Variants in OLIG1 observed in about 807,000 individuals in gnomAD.
OLIG1 encodes oligodendrocyte transcription factor 1.
A neutral mutation model predicts 13.5 loss-of-function variants in OLIG1; 9 were observed. The ratio of observed to expected loss-of-function variants is 0.67; its 90% CI spans 0.40 to 1.17. The LOEUF (loss-of-function observed/expected upper bound fraction) is 1.17. OLIG1 is among the 50% of genes most tolerant of loss of function. The pLI, the probability that OLIG1 is intolerant of heterozygous loss-of-function variation, is 0.01. For synonymous variants in OLIG1, 215 were observed against 208.3 expected, an observed-to-expected ratio of 1.03 and a Z score of -0.28; for missense variants, 362 against 392.2, an observed-to-expected ratio of 0.92 and a Z score of 0.65.
At position 33,071,427 on chromosome 21, in the gene OLIG1, G is replaced by T; in HGVS notation, c.*365G>T. On this transcript the variant is annotated 3_prime_UTR_variant, in exon 1 of 1. Coordinates refer to ENST00000382348, the MANE Select transcript of OLIG1 (RefSeq NM_138983.3). The surrounding 1 kb of genome is among the most constrained non-coding windows in gnomAD (Gnocchi z 6.0). ...TTGCCGTGGTTGGCGCGCCCCGGGT[G>T]CAGCGAGAGGCCATCCCCGAGCGCT... is the stretch of plus-strand genomic sequence containing the variant. 5.7e-6 allele frequency: 1 copy of T among 175,928 alleles called. No individual in the cohort carries two copies. The highest frequency in any genetic ancestry group is 1.3e-5 in the Non-Finnish European group (1 of 74,536). The allele number at this position is 175,928 out of a possible 1,614,324, so 10.9% of individuals were successfully genotyped here.
chr21:33,072,249 C>T lies in OLIG1; in HGVS notation c.*1187C>T, dbSNP rs997341531. On this transcript the variant is annotated 3_prime_UTR_variant, in exon 1 of 1. Transcript: ENST00000382348. ...ATTTGTTACAGACGTTAACAAATTC[C>T]TTTACCCAAGGTTATGCTATGACCT... 1 of 167,132 alleles carries T rather than the reference C, an allele frequency of 6.0e-6. No homozygotes were observed. Among genetic ancestry groups the T allele is most frequent in the Non-Finnish European group, 1.5e-5 (1 of 68,130 alleles). The allele number at this position is 167,132 out of a possible 1,614,324, so 10.4% of individuals were successfully genotyped here. A position where few individuals can be genotyped will look rare whatever the true frequency, so the allele number is the denominator to read the frequency against.
In OLIG1 at chr21:33,070,430, GC is replaced by G; in HGVS notation, c.190del (p.Leu64SerfsTer58). On this transcript the variant is annotated frameshift_variant, in exon 1 of 1. Coordinates refer to ENST00000382348, the MANE Select transcript of OLIG1 (RefSeq NM_138983.3). LOFTEE classifies it high-confidence loss of function. This position sits in a 1 kb window ranked among gnomAD's most constrained non-coding sequence, Gnocchi z 5.9. ...TSSTSSSSTT[A>X]PLLPKAAREK... is the part of the protein sequence containing the mutation. ...CTCCACTTCCTCCTCCTCCACGACG[GC>G]CCCCCTCCTCCCCAAGGCTGCGCGC... 10 of 1,529,502 alleles carry G rather than the reference GC, an allele frequency of 6.5e-6. No homozygotes were observed. Among genetic ancestry groups the G allele is most frequent in the African/African-American group, 1.4e-5 (1 of 70,016 alleles). 94.7% of individuals were successfully genotyped at this position (1,529,502 alleles called of 1,614,324 possible). A position where few individuals can be genotyped will look rare whatever the true frequency, so the allele number is the denominator to read the frequency against.
In OLIG1 at chr21:33,071,045, G is replaced by T; in HGVS notation, c.799G>T (p.Ala267Ser). ...PASLGLAAVQ[A>S]QFSK The stretch of plus-strand genomic sequence containing the variant: ...CAGCCTGGGCCTGGCCGCCGTGCAG[G>T]CGCAATTCTCCAAGTGAGGGCGGGC... The change falls in exon 1 of 1, where the codon GCG becomes TCG. Residue 267 changes from alanine (A) to serine (S), a missense_variant. This residue lies in a region of OLIG1 where 62 missense variants were observed against 49.1 expected (regional missense o/e 1.26). Transcript: ENST00000382348. This position sits in a 1 kb window ranked among gnomAD's most constrained non-coding sequence, Gnocchi z 6.0. 1 of 1,508,072 alleles carries T rather than the reference G, an allele frequency of 6.6e-7. No individual in the cohort carries two copies. The highest frequency in any genetic ancestry group is 8.8e-7 in the Non-Finnish European group (1 of 1,133,056). 93.4% of individuals were successfully genotyped at this position (1,508,072 alleles called of 1,614,324 possible).
Position 33,071,318 on chromosome 21 carries a change from A to G in OLIG1, c.*256A>G. 2.8e-6 allele frequency: 1 copy of G among 354,056 alleles called. No individual in the cohort carries two copies. Among genetic ancestry groups the G allele is most frequent in the South Asian group, 6.3e-5 (1 of 15,854 alleles). The allele number at this position is 354,056 out of a possible 1,614,324, so 21.9% of individuals were successfully genotyped here. ...GTCGGTTCCAGCGGCTTTAGGCAGA[A>G]AGTGCTCGCTCTCACCCAGCACATC... On this transcript the variant is annotated 3_prime_UTR_variant, in exon 1 of 1. Transcript: ENST00000382348. The surrounding 1 kb of genome is among the most constrained non-coding windows in gnomAD (Gnocchi z 6.0).
chr21:33,070,305 C>T lies in OLIG1; in HGVS notation c.59C>T (p.Pro20Leu). The T allele has an allele frequency of 6.5e-7, 1 of 1,546,984 alleles. No individual in the cohort carries two copies. ...VNAVPGTMLR[P>L]QRPGDLQLGA... is the part of the protein sequence containing the mutation. ...GCGGTCCCCGGGACCATGCTGCGGC[C>T]ACAGCGGCCCGGAGACTTGCAGCTC... The change falls in exon 1 of 1, where the codon CCA becomes CTA. Residue 20 changes from proline to leucine, a missense_variant. By Grantham distance (98) the Pro-to-Leu change is moderately conservative. Transcript: ENST00000382348. This position sits in a 1 kb window ranked among gnomAD's most constrained non-coding sequence, Gnocchi z 5.9.
At position 33,070,702 on chromosome 21, in the gene OLIG1, C is replaced by T. The variant is rs765257688; in HGVS notation, c.456C>T (p.Ala152=). ...GAPGRKLSKI[A]TLLLARNYIL... ...CCGGCCGCAAGCTCTCCAAGATAGCCACGCTGCTGCTCGCCCGCAACTACA... is the reference window on the plus strand; with the variant it reads ...CCGGCCGCAAGCTCTCCAAGATAGCTACGCTGCTGCTCGCCCGCAACTACA... The change falls in exon 1 of 1, where the codon GCC becomes GCT. Residue 152 remains alanine (A), a synonymous_variant. Transcript: ENST00000382348. This position sits in a 1 kb window ranked among gnomAD's most constrained non-coding sequence, Gnocchi z 5.9. The T allele has an allele frequency of 3.9e-6, 6 of 1,519,554 alleles. No homozygotes were observed. The South Asian group carries it at 6.2e-5, about 16-fold the overall frequency. The allele number at this position is 1,519,554 out of a possible 1,614,324, so 94.1% of individuals were successfully genotyped here. A position where few individuals can be genotyped will look rare whatever the true frequency, so the allele number is the denominator to read the frequency against.
rs748328814 is a variant in OLIG1, at chr21:33,071,077, C to G, written c.*15C>G. 6.1e-6 allele frequency: 9 copies of G among 1,465,214 alleles called. No homozygotes were observed. Among genetic ancestry groups the G allele is most frequent in the South Asian group, 1.3e-5 (1 of 75,086 alleles). The allele number at this position is 1,465,214 out of a possible 1,614,324, so 90.8% of individuals were successfully genotyped here. A position where few individuals can be genotyped will look rare whatever the true frequency, so the allele number is the denominator to read the frequency against. On this transcript the variant is annotated 3_prime_UTR_variant, in exon 1 of 1. Transcript: ENST00000382348. The surrounding 1 kb of genome is among the most constrained non-coding windows in gnomAD (Gnocchi z 6.0). ...TCTCCAAGTGAGGGCGGGCCTGGGC[C>G]TGGGGCGCGACCTCGGCCCGGCCTC...
Position 33,071,884 on chromosome 21 carries a change from T to G in OLIG1, c.*822T>G, listed in dbSNP as rs1272343723. On this transcript the variant is annotated 3_prime_UTR_variant, in exon 1 of 1. Coordinates refer to ENST00000382348, the MANE Select transcript of OLIG1 (RefSeq NM_138983.3). The surrounding 1 kb of genome is among the most constrained non-coding windows in gnomAD (Gnocchi z 6.0). ...AGCAACTTAGAACTCGAGATTCACC[T>G]TTCGTTTCCCTTTCCCCAAAAGTAG... is the stretch of plus-strand genomic sequence containing the variant. 6.0e-6 allele frequency: 1 copy of G among 167,140 alleles called. No individual in the cohort carries two copies. The highest frequency in any genetic ancestry group is 1.5e-5 in the Non-Finnish European group (1 of 68,134). The allele number at this position is 167,140 out of a possible 1,614,324, so 10.4% of individuals were successfully genotyped here.
At position 33,070,747 on chromosome 21, in the gene OLIG1, G is replaced by A. The variant is rs754524142; in HGVS notation, c.501G>A (p.Ser167=). The part of the protein sequence containing the change: ...ARNYILLLGS[S]LQELRRALGE... ...ACTACATCCTACTGCTGGGCAGCTCGCTGCAGGAGCTGCGCCGCGCGCTGG... is the reference window on the plus strand; with the variant it reads ...ACTACATCCTACTGCTGGGCAGCTCACTGCAGGAGCTGCGCCGCGCGCTGG... The change falls in exon 1 of 1, where the codon TCG becomes TCA. Residue 167 remains serine, a synonymous_variant. Coordinates refer to ENST00000382348, the MANE Select transcript of OLIG1 (RefSeq NM_138983.3). This position sits in a 1 kb window ranked among gnomAD's most constrained non-coding sequence, Gnocchi z 5.9. 5.3e-6 allele frequency: 7 copies of A among 1,325,302 alleles called. No individual in the cohort carries two copies. Among genetic ancestry groups the A allele is most frequent in the Non-Finnish European group, 5.8e-6 (6 of 1,039,920 alleles). The allele number at this position is 1,325,302 out of a possible 1,614,324, so 82.1% of individuals were successfully genotyped here. A position where few individuals can be genotyped will look rare whatever the true frequency, so the allele number is the denominator to read the frequency against.
At position 33,070,951 on chromosome 21, in the gene OLIG1, C is replaced by T. The variant is rs1315215997; in HGVS notation, c.705C>T (p.Pro235=). 25 of 1,460,806 alleles carry T rather than the reference C, an allele frequency of 1.7e-5. No homozygotes were observed. Among genetic ancestry groups the T allele is most frequent in the Non-Finnish European group, 2.2e-5 (24 of 1,113,404 alleles). The allele number at this position is 1,460,806 out of a possible 1,614,324, so 90.5% of individuals were successfully genotyped here. Residue 235 remains proline, a synonymous_variant, in exon 1 of 1, where the codon CCC becomes CCT. Coordinates refer to ENST00000382348, the MANE Select transcript of OLIG1 (RefSeq NM_138983.3). The surrounding 1 kb of genome is among the most constrained non-coding windows in gnomAD (Gnocchi z 5.9). ...DEPPCGQFAL[P]GGGAGGPGLC... ...CGCCGTGCGGCCAGTTCGCTCTCCC[C>T]GGCGGCGGCGCAGGCGGCCCCGGCC...
In OLIG1 at chr21:33,072,403, T is replaced by C. The variant is rs1184764648; in HGVS notation, c.*1341T>C. 6.0e-6 allele frequency: 1 copy of C among 166,346 alleles called. No individual in the cohort carries two copies. Among genetic ancestry groups the C allele is most frequent in the Non-Finnish European group, 1.5e-5 (1 of 68,114 alleles). The allele number at this position is 166,346 out of a possible 1,614,324, so 10.3% of individuals were successfully genotyped here. ...GTACAGAATCAACAAAATAAAACAT[T>C]TAAAGTCTGATTTTTTACATTTTTT... On this transcript the variant is annotated 3_prime_UTR_variant, in exon 1 of 1. Coordinates refer to ENST00000382348, the MANE Select transcript of OLIG1 (RefSeq NM_138983.3).
chr21:33,070,146 C>G lies in OLIG1; in HGVS notation c.-101C>G. 1.4e-6 allele frequency: 2 copies of G among 1,397,422 alleles called. No homozygotes were observed. The highest frequency in any genetic ancestry group is 3.2e-5 in the South Asian group (2 of 63,034). 86.6% of individuals were successfully genotyped at this position (1,397,422 alleles called of 1,614,324 possible). A position where few individuals can be genotyped will look rare whatever the true frequency, so the allele number is the denominator to read the frequency against. ...AGGGCGCGGGCCAGGGCCCCACCAT[C>G]GTTTCCCCGCGCGCAGGTCCGCGGG... On this transcript the variant is annotated 5_prime_UTR_variant, in exon 1 of 1. The change creates a new upstream start codon in the 5' untranslated region. Coordinates refer to ENST00000382348, the MANE Select transcript of OLIG1 (RefSeq NM_138983.3). The surrounding 1 kb of genome is among the most constrained non-coding windows in gnomAD (Gnocchi z 5.9).
At position 33,070,446 on chromosome 21, in the gene OLIG1, A is replaced by G; in HGVS notation, c.200A>G (p.Lys67Arg). ...SSSTTAPLLP[K>R]AAREKPEAPA... ...TCCACGACGGCCCCCCTCCTCCCCA[A>G]GGCTGCGCGCGAGAAGCCGGAGGCG... The change falls in exon 1 of 1, where the codon AAG becomes AGG. Residue 67 changes from lysine (K) to arginine (R), a missense_variant. Lys to Arg is a conservative substitution (Grantham distance 26). Around this residue, in one of 3 missense-constraint regions of OLIG1, gnomAD observed 206 missense variants for 197.2 expected, o/e 1.04. Transcript: ENST00000382348. This position sits in a 1 kb window ranked among gnomAD's most constrained non-coding sequence, Gnocchi z 5.9. 2 of 1,524,178 alleles carry G rather than the reference A, an allele frequency of 1.3e-6. No homozygotes were observed. The highest frequency in any genetic ancestry group is 1.8e-6 in the Non-Finnish European group (2 of 1,140,394). The allele number at this position is 1,524,178 out of a possible 1,614,324, so 94.4% of individuals were successfully genotyped here. A position where few individuals can be genotyped will look rare whatever the true frequency, so the allele number is the denominator to read the frequency against.
Position 33,070,539 on chromosome 21 carries a change from C to T in OLIG1, c.293C>T (p.Ala98Val), listed in dbSNP as rs1982190806. The part of the protein sequence containing the change: ...AHPGGSARPD[A>V]KEEQQQQLRR... Reference sequence around the variant, plus strand: ...CCGGGCGGCAGCGCCCGGCCGGACGCCAAGGAGGAGCAGCAGCAGCAGCTG... The same window carrying T: ...CCGGGCGGCAGCGCCCGGCCGGACGTCAAGGAGGAGCAGCAGCAGCAGCTG... Residue 98 changes from alanine to valine, a missense_variant, in exon 1 of 1, where the codon GCC becomes GTC. Physicochemically the swap from Ala to Val is moderately conservative, Grantham distance 64 (BLOSUM62 0). Coordinates refer to ENST00000382348, the MANE Select transcript of OLIG1 (RefSeq NM_138983.3). This position sits in a 1 kb window ranked among gnomAD's most constrained non-coding sequence, Gnocchi z 5.9. 2.0e-6 allele frequency: 3 copies of T among 1,507,390 alleles called. No individual in the cohort carries two copies. The highest frequency in any genetic ancestry group is 2.6e-6 in the Non-Finnish European group (3 of 1,133,686). The allele number at this position is 1,507,390 out of a possible 1,614,324, so 93.4% of individuals were successfully genotyped here.
chr21:33,070,315 C>G lies in OLIG1; in HGVS notation c.69C>G (p.Pro23=), dbSNP rs1014800611. ...GGACCATGCTGCGGCCACAGCGGCCCGGAGACTTGCAGCTCGGGGCCTCCC... is the reference window on the plus strand; with the variant it reads ...GGACCATGCTGCGGCCACAGCGGCCGGGAGACTTGCAGCTCGGGGCCTCCC... ...VPGTMLRPQR[P]GDLQLGASLY... is the part of the protein sequence containing the mutation. Residue 23 remains proline (P), a synonymous_variant, in exon 1 of 1, where the codon CCC becomes CCG. Transcript: ENST00000382348. The surrounding 1 kb of genome is among the most constrained non-coding windows in gnomAD (Gnocchi z 5.9). 124 of 1,546,986 alleles carry G rather than the reference C, an allele frequency of 8.0e-5. 1 individual carries two copies. The highest frequency in any genetic ancestry group is 1.0e-4 in the Non-Finnish European group (120 of 1,145,694).
rs935888617 is a variant in OLIG1 at position 33,070,387 on chromosome 21, C to T, written c.141C>T (p.Ser47=). The T allele has an allele frequency of 2.6e-5, 40 of 1,537,400 alleles. No individual in the cohort carries two copies. Among genetic ancestry groups the T allele is most frequent in the African/African-American group, 2.1e-4 (15 of 71,674 alleles). The change falls in exon 1 of 1, where the codon TCC becomes TCT. Residue 47 remains serine, a synonymous_variant. Transcript: ENST00000382348. This position sits in a 1 kb window ranked among gnomAD's most constrained non-coding sequence, Gnocchi z 5.9. ...GYRQPPSSSS[S]STSSTSSTSS... is the part of the protein sequence containing the mutation. ...GGCAGCCGCCCTCCTCCTCCTCCTCCTCCACCTCCTCCACCTCCTCCACTT... is the reference window on the plus strand; with the variant it reads ...GGCAGCCGCCCTCCTCCTCCTCCTCTTCCACCTCCTCCACCTCCTCCACTT...
In OLIG1 at chr21:33,071,184, G is replaced by A; in HGVS notation, c.*122G>A. 1 of 960,090 alleles carries A rather than the reference G, an allele frequency of 1.0e-6. No homozygotes were observed. Among genetic ancestry groups the A allele is most frequent in the Non-Finnish European group, 1.4e-6 (1 of 692,472 alleles). 59.5% of individuals were successfully genotyped at this position (960,090 alleles called of 1,614,324 possible). A position where few individuals can be genotyped will look rare whatever the true frequency, so the allele number is the denominator to read the frequency against. ...CAAGGAAAGCATTTCGAACCTTCCA[G>A]TCCAGAGGAAGGGACTGTCGGGCAC... On this transcript the variant is annotated 3_prime_UTR_variant, in exon 1 of 1. Transcript: ENST00000382348. This position sits in a 1 kb window ranked among gnomAD's most constrained non-coding sequence, Gnocchi z 6.0.
chr21:33,071,177 C>A lies in OLIG1; in HGVS notation c.*115C>A, dbSNP rs1982218686. 1 of 1,026,402 alleles carries A rather than the reference C, an allele frequency of 9.7e-7. No homozygotes were observed. The highest frequency in any genetic ancestry group is 1.3e-6 in the Non-Finnish European group (1 of 751,494). The allele number at this position is 1,026,402 out of a possible 1,614,324, so 63.6% of individuals were successfully genotyped here. A position where few individuals can be genotyped will look rare whatever the true frequency, so the allele number is the denominator to read the frequency against. The stretch of plus-strand genomic sequence containing the variant: ...GGCCGAGCAAGGAAAGCATTTCGAA[C>A]CTTCCAGTCCAGAGGAAGGGACTGT... On this transcript the variant is annotated 3_prime_UTR_variant, in exon 1 of 1. Coordinates refer to ENST00000382348, the MANE Select transcript of OLIG1 (RefSeq NM_138983.3). This position sits in a 1 kb window ranked among gnomAD's most constrained non-coding sequence, Gnocchi z 6.0.
Position 33,071,422 on chromosome 21 carries a change from CG to C in OLIG1, c.*363del, listed in dbSNP as rs1432635837. On this transcript the variant is annotated 3_prime_UTR_variant, in exon 1 of 1. Transcript: ENST00000382348. This position sits in a 1 kb window ranked among gnomAD's most constrained non-coding sequence, Gnocchi z 6.0. ...GCGCCTTGCCGTGGTTGGCGCGCCCCGGGTGCAGCGAGAGGCCATCCCCGAG... is the reference window on the plus strand; with the variant it reads ...GCGCCTTGCCGTGGTTGGCGCGCCCCGGTGCAGCGAGAGGCCATCCCCGAG... The C allele has an allele frequency of 5.6e-6, 1 of 177,654 alleles. No individual in the cohort carries two copies. Among genetic ancestry groups the C allele is most frequent in the Non-Finnish European group, 1.3e-5 (1 of 75,638 alleles). 11.0% of individuals were successfully genotyped at this position (177,654 alleles called of 1,614,324 possible).
Sources: gnomAD v4.1 joint callset for allele counts on GRCh38, gnomAD v4.1.1 for gene constraint, gnomAD v4.1.1 regional missense constraint, Gnocchi (gnomAD v3.1) non-coding constraint, MANE v1.5 for transcripts, NCBI Gene and HGNC (gene_info 2026-07-23, HGNC 2026-07-21) for gene names.